The following SLC16A12 variants were observed in gnomAD, a reference collection of about 807,000 sequenced individuals.
SLC16A12 encodes monocarboxylate transporter 12.
In SLC16A12, 17 loss-of-function variants were observed where a neutral mutation model predicts 42.4. That is an observed-to-expected ratio of 0.40 (90% CI 0.27 to 0.60). The LOEUF (loss-of-function observed/expected upper bound fraction) is 0.60. Ranked by LOEUF, SLC16A12 falls within the 20% of genes least tolerant of loss-of-function variation. The probability of loss-of-function intolerance (pLI) is 0.42; values close to 1 mark genes in which losing one functional copy is unlikely to be tolerated. For synonymous variants in SLC16A12, 224 were observed against 229.4 expected, an observed-to-expected ratio of 0.98 and a Z score of 0.21; for missense variants, 544 against 623.0, an observed-to-expected ratio of 0.87 and a Z score of 1.35.
At chr10:89,477,702 A>C (rs1842602561) in intron 2 of SLC16A12, among the ~76,000 whole-genome samples, 1 of 152,198 alleles carries the variant, frequency 6.6e-6, no homozygotes, top group Non-Finnish European at 1.5e-5. Context: ...ATGAATTTTC[A>C]AATAAATTTT....
intron 2 of SLC16A12, among the ~76,000 whole-genome samples, chr10:89,519,950 T>TA (rs1451255736): frequency 1.3e-5 from 2 of 151,780 alleles, no homozygotes; most frequent in Non-Finnish European, 2.9e-5. Context: ...CTGTCTCTAC[T>TA]AAAAATACAA....
At chr10:89,459,769 G>A (rs1265715608) in intron 3 of SLC16A12, among the ~76,000 whole-genome samples, 2 of 151,894 alleles carry the variant, frequency 1.3e-5, no homozygotes, top group South Asian at 2.1e-4. Context: ...GTGAAACCCC[G>A]TCTCTATTAA....
At chr10:89,454,572 T>A (rs1253118073) in intron 3 of SLC16A12, among the ~76,000 whole-genome samples, 6 of 152,030 alleles carry the variant, frequency 3.9e-5, no homozygotes, top group Non-Finnish European at 5.9e-5. Flanking sequence ...GGCTCTTCAC[T>A]TCAGCAATAC....
chr10:89,550,693 A>G (rs1431542060), intron 2 of SLC16A12, among the ~76,000 whole-genome samples: 5 of 139,922 alleles, frequency 3.6e-5, no homozygotes, highest in South Asian at 2.2e-4. Context: ...CCACACTCCC[A>G]TATCTCGCTA....
At chr10:89,499,295 C>T (rs1842963241) in intron 2 of SLC16A12, among the ~76,000 whole-genome samples, 1 of 152,136 alleles carries the variant, frequency 6.6e-6, no homozygotes, top group Admixed American at 6.5e-5. Flanking sequence ...TGGCTCTTGC[C>T]TGTAATCCTG....
At chr10:89,526,714 G>C (rs1042942726) in intron 2 of SLC16A12, among the ~76,000 whole-genome samples, 2 of 152,200 alleles carry the variant, frequency 1.3e-5, no homozygotes, top group Non-Finnish European at 2.9e-5. Flanking sequence ...TAGCAGAAGG[G>C]GCCACCAGAA....
intron 2 of SLC16A12, among the ~76,000 whole-genome samples, chr10:89,519,522 A>G (rs956729259): frequency 2.6e-5 from 4 of 152,156 alleles, no homozygotes; most frequent in African/African-American, 9.7e-5. Context: ...ATGTGTCTGT[A>G]ATATAGGCCC....
At chr10:89,554,060 GA>G (rs1564607121) in intron 2 of SLC16A12, among the ~76,000 whole-genome samples, 1 of 88,056 alleles carries the variant, frequency 1.1e-5, no homozygotes, top group East Asian at 3.5e-4. Flanking sequence ...AAGAAAGAAA[GA>G]AAGAAAGAAA....
At chr10:89,517,737 C>A (rs1018242147) in intron 2 of SLC16A12, among the ~76,000 whole-genome samples, 3 of 152,138 alleles carry the variant, frequency 2.0e-5, no homozygotes, top group Non-Finnish European at 4.4e-5. Flanking sequence ...TTTTCTGATT[C>A]TTGATATTTA....
At chr10:89,470,047 T>C (rs1355674965) in intron 2 of SLC16A12, among the ~76,000 whole-genome samples, 1 of 152,218 alleles carries the variant, frequency 6.6e-6, no homozygotes, top group Non-Finnish European at 1.5e-5. Flanking sequence ...GTATTGCCCC[T>C]TTCTGGTAAG....
intron 3 of SLC16A12, chr10:89,456,275 T>G (rs1352898803): frequency 6.6e-6 from 1 of 152,180 alleles, no homozygotes; most frequent in Non-Finnish European, 1.5e-5. Flanking sequence ...AGTTAGCAAT[T>G]ATTATAAGAA....
chr10:89,530,710 C>T (rs1026461023), intron 2 of SLC16A12, among the ~76,000 whole-genome samples: 7 of 152,130 alleles, frequency 4.6e-5, no homozygotes, highest in Non-Finnish European at 7.4e-5. Flanking sequence ...TGAGCCACGG[C>T]GCCCGGCTGG....
At chr10:89,530,639 T>C (rs912202912) in intron 2 of SLC16A12, among the ~76,000 whole-genome samples, 5 of 152,098 alleles carry the variant, frequency 3.3e-5, no homozygotes, top group Admixed American at 6.6e-5. Flanking sequence ...CAGGATGCTC[T>C]CGATCTCCCG....
intron 1 of SLC16A12, among the ~76,000 whole-genome samples, chr10:89,534,976 T>C (rs1843628990): frequency 6.6e-6 from 1 of 152,290 alleles, no homozygotes; most frequent in Middle Eastern, 3.4e-3. Context: ...CACTGGTTTA[T>C]TTGTGGACAA....
In SLC16A12 at chr10:89,490,370, CAAGTT is replaced by C. The variant is rs542082555; in HGVS notation, c.-46-27751_-46-27747del. 1.8e-3 allele frequency among the ~76,000 whole-genome samples: 272 copies of C among 152,302 alleles called. 1 individual carries two copies. Among genetic ancestry groups the C allele is most frequent in the African/African-American group, 6.3e-3 (260 of 41,570 alleles). On this transcript the variant is annotated intron_variant, in intron 2 of 7. Coordinates refer to ENST00000371790, the MANE Select transcript of SLC16A12 (RefSeq NM_213606.4). ...CTGCCTGAGTTAGTGTCAGATCCCA[CAAGTT>C]AAGGGGCTCGGTCTCACAAGACTGC...
chr10:89,457,470 A>G (rs890072607), intron 3 of SLC16A12, among the ~76,000 whole-genome samples: 1 of 152,230 alleles, frequency 6.6e-6, no homozygotes, highest in Non-Finnish European at 1.5e-5. Context: ...TTAAAAAGTC[A>G]AGAAACAACA....
intron 2 of SLC16A12, among the ~76,000 whole-genome samples, chr10:89,541,858 A>AT (rs536879635): frequency 1.3e-5 from 2 of 151,742 alleles, no homozygotes; most frequent in African/African-American, 2.4e-5. Context: ...CTTTTATGTC[A>AT]TTTTTTTCTG....
intron 2 of SLC16A12, among the ~76,000 whole-genome samples, chr10:89,547,786 C>G (rs1454222778): frequency 6.6e-6 from 1 of 151,856 alleles, no homozygotes; most frequent in African/African-American, 2.4e-5. Flanking sequence ...CACCTGAGGT[C>G]AGAAGTTCAA....
intron 3 of SLC16A12, among the ~76,000 whole-genome samples, chr10:89,455,241 G>A (rs73371306): frequency 0.095 from 14,433 of 152,104 alleles, 710 homozygotes; most frequent in South Asian, 0.2. Context: ...AGGGCCCCCA[G>A]ATGATGATAT....
Sources: gnomAD v4.1 joint callset for allele counts (sites outside exome capture counted in the v4.1 genomes callset) on GRCh38, gnomAD v4.1.1 for gene constraint, MANE v1.5 for transcripts, NCBI Gene and HGNC (gene_info 2026-07-23, HGNC 2026-07-21) for gene names.